Variants in USP22 observed in about 807,000 individuals in gnomAD.
USP22 encodes ubiquitin carboxyl-terminal hydrolase 22.
Under a neutral mutation model 68.1 loss-of-function variants are expected in USP22, and 22 were observed. That is an observed-to-expected ratio of 0.32 (90% CI 0.23 to 0.46). The LOEUF (loss-of-function observed/expected upper bound fraction) is 0.46. USP22 is among the 20% of genes least tolerant of loss of function. USP22 has a pLI of 1.00. For missense variants in USP22, 433 were observed against 695.8 expected (o/e 0.62, Z 4.25); for synonymous variants, 279 against 274.2 (o/e 1.02, Z -0.17).
chr17:21,034,830 A>G (rs1195513014), intron 1 of USP22, among the ~76,000 whole-genome samples: 4 of 152,224 alleles, frequency 2.6e-5, no homozygotes, highest in African/African-American at 9.6e-5. Flanking sequence ...AAAATTCTTA[A>G]TAAGAAAACA....
chr17:21,021,100 G>C lies in USP22; in HGVS notation c.418+13C>G, dbSNP rs570446441. The C allele has an allele frequency of 6.2e-7, 1 of 1,603,912 alleles. No homozygotes were observed. Among genetic ancestry groups the C allele is most frequent in the African/African-American group, 1.3e-5 (1 of 74,828 alleles). ...CTGCAGGATCAAGCAGGTAAACTGA[G>C]GTGGAACCAAACCTTGCATTTTCCA... On this transcript the variant is annotated intron_variant, in intron 3 of 12. Transcript: ENST00000261497.
rs939723623 is a variant in USP22, at chr17:21,038,928, C to A, written c.171+3737G>T. Among the ~76,000 whole-genome samples the A allele has an allele frequency of 3.3e-5, 5 of 152,024 alleles. No homozygotes were observed. The South Asian group carries it at 6.2e-4, about 19-fold the overall frequency. On this transcript the variant is annotated intron_variant, in intron 1 of 12. Coordinates refer to ENST00000261497, the MANE Select transcript of USP22 (RefSeq NM_015276.2). ...AACACAAAGGAGACGCCACTGTGGT[C>A]GTGCCAGTCCTAAATCATGGAAATA...
chr17:21,030,925 T>A (rs1262247207), intron 1 of USP22, among the ~76,000 whole-genome samples: 1 of 152,236 alleles, frequency 6.6e-6, no homozygotes, highest in Non-Finnish European at 1.5e-5. Flanking sequence ...GTGATAACTG[T>A]ATTGCGCTTA....
chr17:21,027,339 C>CAGTT (rs1165545152), intron 2 of USP22, among the ~76,000 whole-genome samples: 5 of 144,308 alleles, frequency 3.5e-5, no homozygotes, highest in Non-Finnish European at 7.7e-5. Context: ...TCGTCAGCCT[C>CAGTT]AGTTAAAGCC....
At chr17:21,006,820 G>C (rs1913797120) in intron 10 of USP22, 76 bp downstream of exon 10, 1 of 1,247,630 alleles carries the variant, frequency 8.0e-7, no homozygotes, top group African/African-American at 1.5e-5. Context: ...ATCTTAATAG[G>C]AGCTCCGAGC....
At chr17:21,007,311 T>C (rs1332892131) in intron 9 of USP22, among the ~76,000 whole-genome samples, 1 of 152,166 alleles carries the variant, frequency 6.6e-6, no homozygotes, top group African/African-American at 2.4e-5. Context: ...ATGAACAAAT[T>C]GTTCCTTTCA....
At chr17:21,043,298 CA>C (rs1330350179), upstream of USP22, 165 of 68,502 alleles carry the variant, frequency 2.4e-3, 48 homozygotes, top group Non-Finnish European at 3.8e-3. Context: ...GGTAGTAGGC[CA>C]CCCCCCCCCC....
chr17:21,005,700 CGCT>C (rs1485756454), intron 10 of USP22, among the ~76,000 whole-genome samples: 1 of 152,264 alleles, frequency 6.6e-6, no homozygotes, highest in East Asian at 1.9e-4. Context: ...AGGAAGAGGC[CGCT>C]AACTACCAAA....
intron 1 of USP22, among the ~76,000 whole-genome samples, chr17:21,031,046 C>T (rs1243112288): frequency 3.3e-5 from 5 of 152,186 alleles, no homozygotes; most frequent in Admixed American, 2.0e-4. Context: ...AAGAAGCTAA[C>T]AATTGATGAA....
intron 10 of USP22, 136 bp from the exon 11 acceptor site, chr17:21,005,126 A>G (rs1913739691): frequency 3.0e-6 from 3 of 987,364 alleles, no homozygotes; most frequent in Admixed American, 4.4e-5. Flanking sequence ...CTTCAGGCAG[A>G]AATCTCCCCA....
chr17:21,017,316 A>G (rs1434316527), intron 5 of USP22, among the ~76,000 whole-genome samples: 2 of 152,242 alleles, frequency 1.3e-5, no homozygotes, highest in African/African-American at 4.8e-5. Context: ...AACAGGCACC[A>G]GCCTGCTTAT....
intron 2 of USP22, among the ~76,000 whole-genome samples, chr17:21,025,789 A>G (rs1972212231): frequency 6.6e-6 from 1 of 152,252 alleles, no homozygotes; most frequent in African/African-American, 2.4e-5. Flanking sequence ...TATCCAGGAA[A>G]GGAGAACCCA....
At chr17:21,012,278 A>T (rs1446355371) in intron 7 of USP22, among the ~76,000 whole-genome samples, 1 of 152,054 alleles carries the variant, frequency 6.6e-6, no homozygotes, top group East Asian at 1.9e-4. Flanking sequence ...AAAAACAAAA[A>T]CAAAAAACCT....
chr17:21,011,573 C>A, intron 7 of USP22: 1 of 436,386 alleles, frequency 2.3e-6, no homozygotes, highest in Non-Finnish European at 4.2e-6. Flanking sequence ...TGGAGACCAT[C>A]ACAGTCACTG....
rs1913494569 is a variant in USP22, at chr17:20,999,743, AATTT to A, written c.*3284_*3287del. 1.3e-5 allele frequency: 2 copies of A among 152,340 alleles called. No individual in the cohort carries two copies. Among genetic ancestry groups the A allele is most frequent in the South Asian group, 4.1e-4 (2 of 4,828 alleles). 9.4% of individuals were successfully genotyped at this position (152,340 alleles called of 1,614,324 possible). A position where few individuals can be genotyped will look rare whatever the true frequency, so the allele number is the denominator to read the frequency against. Reference sequence around the variant, plus strand: ...TCTCCAACCACAGCACAGTCATTGGAATTTTTTTCTTCATTTTTATTTTCAAACT... The same window carrying A: ...TCTCCAACCACAGCACAGTCATTGGATTTTCTTCATTTTTATTTTCAAACT... On this transcript the variant is annotated 3_prime_UTR_variant, in exon 13 of 13. Transcript: ENST00000261497.
rs150301630 is a variant in USP22, at chr17:21,036,897, G to C, written c.171+5768C>G. Among the ~76,000 whole-genome samples the C allele has an allele frequency of 3.4e-4, 52 of 152,308 alleles. 2 individuals carry two copies. The highest frequency in any genetic ancestry group is 1.2e-3 in the African/African-American group (50 of 41,572). ...GAACACACCAGTGCCCAGATCTTGA[G>C]ATCTAATTCCATTCTCCCAAAAAAG... is the stretch of plus-strand genomic sequence containing the variant. On this transcript the variant is annotated intron_variant, in intron 1 of 12. Transcript: ENST00000261497.
intron 1 of USP22, among the ~76,000 whole-genome samples, chr17:21,030,960 G>A (rs1972282497): frequency 6.6e-6 from 1 of 152,198 alleles, no homozygotes; most frequent in Non-Finnish European, 1.5e-5. Flanking sequence ...CCAGTTCTTA[G>A]GAGGTAAACT....
At chr17:21,006,809 C>G in intron 10 of USP22, 87 bp downstream of exon 10, 1 of 1,159,192 alleles carries the variant, frequency 8.6e-7, no homozygotes, top group Non-Finnish European at 1.2e-6. Flanking sequence ...GGCCAACAGT[C>G]ATCTTAATAG....
intron 2 of USP22, 27 bp from the exon 3 acceptor site, chr17:21,021,253 A>G: frequency 1.3e-6 from 2 of 1,535,224 alleles, no homozygotes; most frequent in Non-Finnish European, 1.8e-6. Context: ...GGGAGGAGAA[A>G]CCAAGTTGAA....
Sources: allele counts gnomAD v4.1 joint callset (sites outside exome capture counted in the v4.1 genomes callset), GRCh38; gene constraint gnomAD v4.1.1; transcripts MANE v1.5; gene names NCBI Gene and HGNC (gene_info 2026-07-23, HGNC 2026-07-21).